The following CAPN7 variants were observed in gnomAD, a reference collection of about 807,000 sequenced individuals.
The protein encoded by CAPN7 is calpain 7.
In CAPN7, 72 loss-of-function variants were observed where a neutral mutation model predicts 115.2. The observed-to-expected ratio is 0.63, with a 90% CI of 0.52 to 0.76. The LOEUF (loss-of-function observed/expected upper bound fraction) is 0.76. CAPN7 is among the 30% of genes least tolerant of loss of function. The pLI is 0.00. For missense variants in CAPN7, 905 were observed against 971.5 expected (o/e 0.93, Z 0.91); for synonymous variants, 344 against 322.3 (o/e 1.07, Z -0.72).
intron 12 of CAPN7, among the ~76,000 whole-genome samples, chr3:15,237,309 TG>T (rs1695049980): frequency 6.6e-6 from 1 of 152,158 alleles, no homozygotes; most frequent in Non-Finnish European, 1.5e-5. Context: ...TAGGCCCACA[TG>T]GGGGCAGGAT....
chr3:15,217,876 T>C (rs1693732610), intron 3 of CAPN7, among the ~76,000 whole-genome samples: 1 of 152,242 alleles, frequency 6.6e-6, no homozygotes, highest in Non-Finnish European at 1.5e-5. Context: ...TCTATTAATT[T>C]AGAATAAACT....
intron 2 of CAPN7, among the ~76,000 whole-genome samples, chr3:15,212,565 T>G (rs1008075527): frequency 2.0e-5 from 3 of 152,368 alleles, no homozygotes; most frequent in South Asian, 4.1e-4. Context: ...ATTAAGTGAC[T>G]GTTCCTCTTC....
intron 5 of CAPN7, 76 bp downstream of exon 5, chr3:15,221,057 C>A: frequency 2.6e-6 from 3 of 1,162,158 alleles, no homozygotes; most frequent in Non-Finnish European, 3.8e-6. Context: ...ATTAGGTTTG[C>A]TGAATTGTAT....
chr3:15,218,033 A>C (rs183942202), intron 3 of CAPN7, among the ~76,000 whole-genome samples: 29 of 152,324 alleles, frequency 1.9e-4, no homozygotes, highest in African/African-American at 7.0e-4. Flanking sequence ...AGGGACATCT[A>C]GTGCATAAGA....
rs1693764984 is a variant in CAPN7 at position 15,218,355 on chromosome 3, T to A, written c.370-118T>A. On this transcript the variant is annotated intron_variant, in intron 3 of 20. Coordinates refer to ENST00000253693, the MANE Select transcript of CAPN7 (RefSeq NM_014296.3). ...AGGATGAGAATTAATGTCATCTTTG[T>A]TTGTTCTCAATTTCAGCAAGTGTAA... 22 of 684,738 alleles carry A rather than the reference T, an allele frequency of 3.2e-5. 1 individual carries two copies. In the South Asian group the frequency reaches 3.9e-4, roughly 12 times the overall value. The allele number at this position is 684,738 out of a possible 1,614,324, so 42.4% of individuals were successfully genotyped here. A position where few individuals can be genotyped will look rare whatever the true frequency, so the allele number is the denominator to read the frequency against.
At chr3:15,219,879 A>C (rs944709261) in intron 4 of CAPN7, among the ~76,000 whole-genome samples, 5 of 152,250 alleles carry the variant, frequency 3.3e-5, no homozygotes, top group South Asian at 2.1e-4. Context: ...TCTCGTTTGC[A>C]CTTCTCACAG....
chr3:15,251,521 A>G lies in CAPN7; in HGVS notation c.*261A>G. On this transcript the variant is annotated 3_prime_UTR_variant, in exon 21 of 21. Coordinates refer to ENST00000253693, the MANE Select transcript of CAPN7 (RefSeq NM_014296.3). ...CATTTTAGGGGCCATTTTGTATAAA[A>G]AGTGCATATGATTAAAATTAGACTC... 1 of 283,180 alleles carries G rather than the reference A, an allele frequency of 3.5e-6. No homozygotes were observed. Among genetic ancestry groups the G allele is most frequent in the East Asian group, 6.3e-5 (1 of 15,926 alleles). 17.5% of individuals were successfully genotyped at this position (283,180 alleles called of 1,614,324 possible).
At chr3:15,225,685 G>A (rs1010603322) in intron 6 of CAPN7, among the ~76,000 whole-genome samples, 1 of 152,068 alleles carries the variant, frequency 6.6e-6, no homozygotes, top group East Asian at 1.9e-4. Context: ...TGCTACTCTA[G>A]CATATAAACT....
At chr3:15,227,759 A>T (rs906620538) in intron 6 of CAPN7, 80 bp from the exon 7 acceptor site, 1 of 926,802 alleles carries the variant, frequency 1.1e-6, no homozygotes, top group African/African-American at 1.7e-5. Context: ...CCAAAAAAAA[A>T]ATCTCTAGGA....
rs1248631546 is a variant in CAPN7 at position 15,235,140 on chromosome 3, T to C, written c.1402T>C (p.Phe468Leu). 2 of 1,594,310 alleles carry C rather than the reference T, an allele frequency of 1.3e-6. No homozygotes were observed. Among genetic ancestry groups the C allele is most frequent in the African/African-American group, 1.4e-5 (1 of 73,884 alleles). Residue 468 changes from phenylalanine to leucine, a missense_variant, in exon 12 of 21, where the codon TTC becomes CTC. Phe to Leu is a conservative substitution (Grantham distance 22, BLOSUM62 0). Around this residue, in one of 3 missense-constraint regions of CAPN7, gnomAD observed 620 missense variants for 703.4 expected, o/e 0.88. Transcript: ENST00000253693. Reference protein sequence around the residue: ...HAYAVLDIREFKGLRFIQLKN... With the variant: ...HAYAVLDIRELKGLRFIQLKN... ...ATATGCTGTTTTGGATATTAGAGAG[T>C]TCAAGGTTTTGCCTTAAATCTTTTT... is the stretch of plus-strand genomic sequence containing the variant.
At chr3:15,209,017 C>A (rs2044787965) in intron 1 of CAPN7, among the ~76,000 whole-genome samples, 1 of 151,952 alleles carries the variant, frequency 6.6e-6, no homozygotes, top group Admixed American at 6.6e-5. Flanking sequence ...AATCTTTTTT[C>A]CTTTTTTTTT....
chr3:15,243,079 AG>A (rs1175745015), intron 16 of CAPN7, among the ~76,000 whole-genome samples: 3 of 152,224 alleles, frequency 2.0e-5, no homozygotes, highest in Non-Finnish European at 2.9e-5. Context: ...CTCTTTGAGC[AG>A]GGATGAGAAG....
chr3:15,236,469 G>C (rs945210525), intron 12 of CAPN7, among the ~76,000 whole-genome samples: 1 of 152,226 alleles, frequency 6.6e-6, no homozygotes, highest in Non-Finnish European at 1.5e-5. Flanking sequence ...TAGAAGTAGT[G>C]ATCAGTCAGC....
In CAPN7 at chr3:15,235,580, A is replaced by C. The variant is rs536300394; in HGVS notation, c.1407+435A>C. On this transcript the variant is annotated intron_variant, in intron 12 of 20. Coordinates refer to ENST00000253693, the MANE Select transcript of CAPN7 (RefSeq NM_014296.3). ...GGGTGGGTGGGAGCATGGTTTCAGG[A>C]TAAAACTGTTTTACCTCAGATCATC... is the stretch of plus-strand genomic sequence containing the variant. Among the ~76,000 whole-genome samples the C allele has an allele frequency of 3.3e-5, 5 of 152,282 alleles. 1 individual carries two copies. In the South Asian group the frequency reaches 1.0e-3, roughly 32 times the overall value.
At chr3:15,234,938 A>T (rs1231195703) in intron 11 of CAPN7, 87 bp from the exon 12 acceptor site, 2 of 1,202,792 alleles carry the variant, frequency 1.7e-6, no homozygotes, top group Non-Finnish European at 2.3e-6. Context: ...ATTTTCATGT[A>T]AGCCATTAGA....
At position 15,229,076 on chromosome 3, in the gene CAPN7, C is replaced by T. The variant is rs202089657; in HGVS notation, c.938+17C>T. ...AATTACCGGGTAAAAATGTGTCTCT[C>T]TTTACCTCTTTTTGTGTAATTGTCC... On this transcript the variant is annotated intron_variant, in intron 8 of 20. Transcript: ENST00000253693. 6 of 1,558,370 alleles carry T rather than the reference C, an allele frequency of 3.9e-6. No individual in the cohort carries two copies. In the East Asian group the frequency reaches 1.3e-4, roughly 35 times the overall value.
At chr3:15,210,314 T>C (rs1416791187) in intron 1 of CAPN7, among the ~76,000 whole-genome samples, 5 of 152,052 alleles carry the variant, frequency 3.3e-5, no homozygotes, top group African/African-American at 1.2e-4. Flanking sequence ...AAATTAATAA[T>C]CACATACAAG....
At chr3:15,222,997 C>A (rs1479160708) in intron 5 of CAPN7, among the ~76,000 whole-genome samples, 1 of 152,170 alleles carries the variant, frequency 6.6e-6, no homozygotes, top group East Asian at 1.9e-4. Context: ...AAAGCTACTA[C>A]AAACCTTATT....
Position 15,206,354 on chromosome 3 carries a change from C to G in CAPN7, c.-142C>G. 1.7e-6 allele frequency: 1 copy of G among 590,286 alleles called. No homozygotes were observed. The highest frequency in any genetic ancestry group is 2.1e-5 in the South Asian group (1 of 47,790). The allele number at this position is 590,286 out of a possible 1,614,324, so 36.6% of individuals were successfully genotyped here. On this transcript the variant is annotated 5_prime_UTR_variant, in exon 1 of 21. Coordinates refer to ENST00000253693, the MANE Select transcript of CAPN7 (RefSeq NM_014296.3). ...CCCAGCCCGGCAACGGGAAGGCGAG[C>G]TCTCCTCCACCGTCCAAAGTAAACT...
Sources: gnomAD v4.1 joint callset for allele counts (sites outside exome capture counted in the v4.1 genomes callset) on GRCh38, gnomAD v4.1.1 for gene constraint, gnomAD v4.1.1 regional missense constraint, MANE v1.5 for transcripts, NCBI Gene and HGNC (gene_info 2026-07-23, HGNC 2026-07-21) for gene names.